AGO1: variants seen among roughly 807,000 people sequenced by gnomAD.
AGO1 encodes argonaute RISC component 1.
A neutral mutation model predicts 109.2 loss-of-function variants in AGO1; 11 were observed. The observed-to-expected ratio is 0.10, with a 90% confidence interval of 0.06 to 0.17. AGO1 has a LOEUF of 0.17. Among genes scored for constraint, AGO1 ranks in the 10% least tolerant of loss-of-function variants. The pLI, the probability that AGO1 is intolerant of heterozygous loss-of-function variation, is 1.00. For missense variants in AGO1, 574 were observed against 1,140.3 expected (o/e 0.50, Z 7.15); for synonymous variants, 422 against 418.6 (o/e 1.01, Z -0.10).
chr1:35,883,149 C>G, upstream of AGO1: 3 of 1,124,318 alleles, frequency 2.7e-6, no homozygotes, highest in Non-Finnish European at 3.3e-6. This position sits in a 1 kb window ranked among gnomAD's most constrained non-coding sequence, Gnocchi z 5.4. Context: ...TTGTTGCCGT[C>G]GGAGCGCCCC....
Position 35,888,347 on chromosome 1 carries a change from T to C in AGO1, c.26-80T>C, listed in dbSNP as rs953547837. 4.3e-5 allele frequency: 63 copies of C among 1,450,830 alleles called. No homozygotes were observed. Among genetic ancestry groups the C allele is most frequent in the Non-Finnish European group, 5.9e-5 (62 of 1,053,670 alleles). The allele number at this position is 1,450,830 out of a possible 1,614,324, so 89.9% of individuals were successfully genotyped here. ...TCTCTATACTCTCGTGTTCCTGTTCTGGGAGGCCTTGTTCCTCCTCTGATA... is the reference window on the plus strand; with the variant it reads ...TCTCTATACTCTCGTGTTCCTGTTCCGGGAGGCCTTGTTCCTCCTCTGATA... On this transcript the variant is annotated intron_variant, in intron 1 of 18. Coordinates refer to ENST00000373204, the MANE Select transcript of AGO1 (RefSeq NM_012199.5). This position sits in a 1 kb window ranked among gnomAD's most constrained non-coding sequence, Gnocchi z 4.1.
chr1:35,889,492 G>A lies in AGO1; in HGVS notation c.209+882G>A, dbSNP rs1645178685. ...CTCGCAAAGTGCTGGGATTACAGGC[G>A]TGAGCCACCGTGCCCGGCCTCTGTG... On this transcript the variant is annotated intron_variant, in intron 2 of 18. Coordinates refer to ENST00000373204, the MANE Select transcript of AGO1 (RefSeq NM_012199.5). 3.3e-5 allele frequency among the ~76,000 whole-genome samples: 5 copies of A among 151,754 alleles called. No individual in the cohort carries two copies. The South Asian group carries it at 6.2e-4, about 19-fold the overall frequency.
In AGO1 at chr1:35,919,333, G is replaced by T; in HGVS notation, c.2465+79G>T. 6.6e-7 allele frequency: 1 copy of T among 1,522,538 alleles called. No individual in the cohort carries two copies. The highest frequency in any genetic ancestry group is 1.2e-5 in the South Asian group (1 of 83,712). The allele number at this position is 1,522,538 out of a possible 1,614,324, so 94.3% of individuals were successfully genotyped here. ...TCTTCTTAACTTTCCTTGGGTAGAA[G>T]GAAATGAGTGCTGTCCAATTTGGTG... On this transcript the variant is annotated intron_variant, in intron 18 of 18. Coordinates refer to ENST00000373204, the MANE Select transcript of AGO1 (RefSeq NM_012199.5). This position sits in a 1 kb window ranked among gnomAD's most constrained non-coding sequence, Gnocchi z 6.6.
chr1:35,878,192 T>G (rs2148704225), intron 1 of AGO1, among the ~76,000 whole-genome samples: 1 of 152,158 alleles, frequency 6.6e-6, no homozygotes, highest in South Asian at 2.1e-4. Flanking sequence ...CACGCCATTC[T>G]CCTGCCTCAG....
upstream of AGO1, chr1:35,883,196 G>A: frequency 8.5e-7 from 1 of 1,174,740 alleles, no homozygotes; most frequent in South Asian, 4.2e-5. This position sits in a 1 kb window ranked among gnomAD's most constrained non-coding sequence, Gnocchi z 5.4. Flanking sequence ...GGGCCCGGCG[G>A]TCGCGCCTGC....
chr1:35,908,811 C>A (rs1332433375), intron 12 of AGO1, among the ~76,000 whole-genome samples: 3 of 150,238 alleles, frequency 2.0e-5, no homozygotes, highest in Admixed American at 6.6e-5. Context: ...TGAGTTCTAA[C>A]CTTCCTTTTT....
intron 2 of AGO1, among the ~76,000 whole-genome samples, chr1:35,891,398 A>G (rs1210401357): frequency 6.6e-6 from 1 of 152,178 alleles, no homozygotes; most frequent in Admixed American, 6.5e-5. Flanking sequence ...TGCTTCAGAG[A>G]GATGGAAGAG....
rs1645832314 is a variant in AGO1, at chr1:35,921,449, G to A, written c.*1842G>A. 6.5e-6 allele frequency: 1 copy of A among 152,750 alleles called. No homozygotes were observed. The highest frequency in any genetic ancestry group is 1.5e-5 in the Non-Finnish European group (1 of 68,282). The allele number at this position is 152,750 out of a possible 1,614,324, so 9.5% of individuals were successfully genotyped here. ...TTCCTGCCCCACTGCTTGGGATGGGGAGTTGCAACTTCAGTGTGGAATTTC... is the reference window on the plus strand; with the variant it reads ...TTCCTGCCCCACTGCTTGGGATGGGAAGTTGCAACTTCAGTGTGGAATTTC... On this transcript the variant is annotated 3_prime_UTR_variant, in exon 19 of 19. Coordinates refer to ENST00000373204, the MANE Select transcript of AGO1 (RefSeq NM_012199.5).
At chr1:35,918,911 T>G in intron 17 of AGO1, 144 bp from the exon 18 acceptor site, 1 of 744,810 alleles carries the variant, frequency 1.3e-6, no homozygotes, top group Non-Finnish European at 2.3e-6. Context: ...ATAAGAAGAG[T>G]GCTTTATGAC....
At chr1:35,890,154 C>G (rs1645191413) in intron 2 of AGO1, among the ~76,000 whole-genome samples, 1 of 151,938 alleles carries the variant, frequency 6.6e-6, no homozygotes, top group Non-Finnish European at 1.5e-5. Flanking sequence ...TCCCTAGTAG[C>G]TGGGATTACA....
At chr1:35,912,892 G>A (rs967060427) in intron 12 of AGO1, among the ~76,000 whole-genome samples, 12 of 151,726 alleles carry the variant, frequency 7.9e-5, no homozygotes, top group Admixed American at 6.6e-4. Flanking sequence ...TATTACAGAA[G>A]CTGGAAACTT....
In AGO1 at chr1:35,915,439, A is replaced by G; in HGVS notation, c.1925A>G (p.Tyr642Cys). The G allele has an allele frequency of 6.2e-7, 1 of 1,614,146 alleles. No homozygotes were observed. Among genetic ancestry groups the G allele is most frequent in the Non-Finnish European group, 8.5e-7 (1 of 1,180,028 alleles). Residue 642 changes from tyrosine to cysteine, a missense_variant, in exon 15 of 19, where the codon TAC becomes TGC. Transcript: ENST00000373204. ...PRQEIIEDLS[Y>C]MVRELLIQFY... ...CAAGAGATCATTGAAGACTTGTCCT[A>G]CATGGTGCGTGAGCTCCTCATCCAA... is the stretch of plus-strand genomic sequence containing the variant.
chr1:35,881,328 G>T (rs1645034623), upstream of AGO1, among the ~76,000 whole-genome samples: 1 of 150,444 alleles, frequency 6.6e-6, no homozygotes, highest in African/African-American at 2.4e-5. Flanking sequence ...TTTGGTTTTT[G>T]TTTTTTTTTG....
At position 35,919,662 on chromosome 1, in the gene AGO1, C is replaced by G; in HGVS notation, c.*55C>G. On this transcript the variant is annotated 3_prime_UTR_variant, in exon 19 of 19. Transcript: ENST00000373204. The surrounding 1 kb of genome is among the most constrained non-coding windows in gnomAD (Gnocchi z 6.6). ...AAGAAAGCTTTCCAAGCCCCAGGAG[C>G]TGTGCCACCCAAATCCAGAGGAAGC... 1 of 1,525,664 alleles carries G rather than the reference C, an allele frequency of 6.6e-7. No homozygotes were observed. The allele number at this position is 1,525,664 out of a possible 1,614,324, so 94.5% of individuals were successfully genotyped here.
Position 35,896,242 on chromosome 1 carries a change from G to A in AGO1, c.1020+973G>A, listed in dbSNP as rs181106366. On this transcript the variant is annotated intron_variant, in intron 8 of 18. Coordinates refer to ENST00000373204, the MANE Select transcript of AGO1 (RefSeq NM_012199.5). ...TCGAACTCCTGACCTCAGGTGATCT[G>A]CCCACCTTGGCCTCCCAAAGTGCTG... 1.3e-3 allele frequency among the ~76,000 whole-genome samples: 194 copies of A among 152,254 alleles called. 1 individual carries two copies. The highest frequency in any genetic ancestry group is 4.5e-3 in the African/African-American group (188 of 41,526).
chr1:35,927,015 T>C lies in AGO1; in HGVS notation c.*7408T>C, dbSNP rs1274276173. The C allele has an allele frequency of 6.6e-6, 1 of 151,732 alleles. No individual in the cohort carries two copies. The highest frequency in any genetic ancestry group is 1.9e-4 in the East Asian group (1 of 5,170). The allele number at this position is 151,732 out of a possible 1,614,324, so 9.4% of individuals were successfully genotyped here. A position where few individuals can be genotyped will look rare whatever the true frequency, so the allele number is the denominator to read the frequency against. ...CCTTTCTAGGGAGCCTTTGGTCCTT[T>C]GTCCCCATTTTCCAAAGGGAGGGAA... On this transcript the variant is annotated 3_prime_UTR_variant, in exon 19 of 19. Coordinates refer to ENST00000373204, the MANE Select transcript of AGO1 (RefSeq NM_012199.5).
intron 2 of AGO1, among the ~76,000 whole-genome samples, chr1:35,891,811 C>T (rs952935481): frequency 6.6e-6 from 1 of 152,102 alleles, no homozygotes; most frequent in African/African-American, 2.4e-5. Context: ...GCAAATTGCC[C>T]GCCTTGGCCT....
chr1:35,907,016 A>C lies in AGO1; in HGVS notation c.1479A>C (p.Ala493=), dbSNP rs12735795. The change falls in exon 12 of 19, where the codon GCA becomes GCC. Residue 493 remains alanine, a synonymous_variant. Transcript: ENST00000373204. The stretch of plus-strand genomic sequence containing the variant: ...GTCAACCTTGTTTCTGCAAATATGC[A>C]CAGGGGGCAGACAGCGTGGAGCCTA... ...IQGQPCFCKY[A]QGADSVEPMF... 6.2e-7 allele frequency: 1 copy of C among 1,613,990 alleles called. No homozygotes were observed. Among genetic ancestry groups the C allele is most frequent in the Non-Finnish European group, 8.5e-7 (1 of 1,180,016 alleles).
Position 35,898,424 on chromosome 1 carries a change from T to C in AGO1, c.1021-3050T>C, listed in dbSNP as rs187573081. 6.7e-3 allele frequency among the ~76,000 whole-genome samples: 1,018 copies of C among 152,094 alleles called. 8 individuals carry two copies. The highest frequency in any genetic ancestry group is 0.021 in the African/African-American group (890 of 41,492). The stretch of plus-strand genomic sequence containing the variant: ...GGCGCCGACCACCACGCCTGGCTAA[T>C]TTTTTGTATTTTTAGTAGAGATGGG... On this transcript the variant is annotated intron_variant, in intron 8 of 18. Coordinates refer to ENST00000373204, the MANE Select transcript of AGO1 (RefSeq NM_012199.5).
Sources: allele counts gnomAD v4.1 joint callset (sites outside exome capture counted in the v4.1 genomes callset), GRCh38; gene constraint gnomAD v4.1.1; non-coding constraint Gnocchi (gnomAD v3.1); transcripts MANE v1.5; gene names NCBI Gene and HGNC (gene_info 2026-07-23, HGNC 2026-07-21).